The following TBC1D19 variants were observed in gnomAD, a reference collection of about 807,000 sequenced individuals.
The protein encoded by TBC1D19 is TBC1 domain family, member 19.
In TBC1D19, 60 loss-of-function variants were observed where a neutral mutation model predicts 89.0. The ratio of observed to expected loss-of-function variants is 0.67; its 90% CI spans 0.55 to 0.84. TBC1D19 has a LOEUF of 0.84. Ranked by LOEUF, TBC1D19 falls within the 40% of genes least tolerant of loss-of-function variation. TBC1D19 has a pLI of 0.00. For missense variants in TBC1D19, 500 were observed against 610.8 expected (o/e 0.82, Z 1.91); for synonymous variants, 189 against 199.7 (o/e 0.95, Z 0.45).
the TBC1D19 span, among the ~76,000 whole-genome samples, chr4:26,797,422 T>A: frequency 6.6e-6 from 1 of 152,220 alleles, no homozygotes; most frequent in Non-Finnish European, 1.5e-5. Flanking sequence ...AAACATCCCA[T>A]GCTCATGGAT....
the TBC1D19 span, among the ~76,000 whole-genome samples, chr4:26,833,159 A>G: frequency 6.6e-6 from 1 of 152,164 alleles, no homozygotes; most frequent in African/African-American, 2.4e-5. Context: ...GCGAAGAAAG[A>G]CTTTACATTG....
Position 26,755,024 on chromosome 4 carries a change from A to T in TBC1D19, c.*77A>T. 3.0e-6 allele frequency: 4 copies of T among 1,325,846 alleles called. No individual in the cohort carries two copies. The Middle Eastern group carries it at 5.7e-4, about 188-fold the overall frequency. The allele number at this position is 1,325,846 out of a possible 1,614,324, so 82.1% of individuals were successfully genotyped here. On this transcript the variant is annotated 3_prime_UTR_variant, in exon 21 of 21. Coordinates refer to ENST00000264866, the MANE Select transcript of TBC1D19 (RefSeq NM_018317.4). Reference sequence around the variant, plus strand: ...ATGAACTATGCAAACTCTGCATAAAACCAAAATGAAACTTTGCATATAAGC... The same window carrying T: ...ATGAACTATGCAAACTCTGCATAAATCCAAAATGAAACTTTGCATATAAGC...
At chr4:26,715,938 C>T (rs1260927339) in intron 13 of TBC1D19, among the ~76,000 whole-genome samples, 1 of 152,032 alleles carries the variant, frequency 6.6e-6, no homozygotes, top group African/African-American at 2.4e-5. Context: ...AATGCTTTTG[C>T]ACATATATCC....
intron 16 of TBC1D19, among the ~76,000 whole-genome samples, chr4:26,736,833 A>G (rs1718079481): frequency 6.6e-6 from 1 of 152,226 alleles, no homozygotes; most frequent in South Asian, 2.1e-4. Flanking sequence ...ATGCATATGC[A>G]GGCTTGAGAG....
chr4:26,832,603 G>A, the TBC1D19 span, among the ~76,000 whole-genome samples: 1 of 152,152 alleles, frequency 6.6e-6, no homozygotes. Context: ...ATAACATCTA[G>A]TGAGGTTTTA....
chr4:26,847,222 G>C, the TBC1D19 span, among the ~76,000 whole-genome samples: 1 of 152,206 alleles, frequency 6.6e-6, no homozygotes, highest in Non-Finnish European at 1.5e-5. Context: ...TCTCATGGGA[G>C]AGACGGACAA....
At chr4:26,798,404 A>T in the TBC1D19 span, among the ~76,000 whole-genome samples, 2 of 152,128 alleles carry the variant, frequency 1.3e-5, no homozygotes, top group African/African-American at 4.8e-5. Flanking sequence ...AAAGCAACAG[A>T]TGTTGGTATG....
At chr4:26,740,021 A>C (rs772580421) in intron 17 of TBC1D19, 48 bp downstream of exon 17, 1 of 1,256,414 alleles carries the variant, frequency 8.0e-7, no homozygotes, top group Admixed American at 2.5e-5. Flanking sequence ...ATTGTAATCT[A>C]TTCTTTCTTT....
the TBC1D19 span, among the ~76,000 whole-genome samples, chr4:26,855,708 T>C: frequency 6.6e-6 from 1 of 152,240 alleles, no homozygotes; most frequent in Non-Finnish European, 1.5e-5. Context: ...TATGTTTCTG[T>C]GGCATCTTTT....
At chr4:26,850,777 C>T in the TBC1D19 span, among the ~76,000 whole-genome samples, 1 of 152,074 alleles carries the variant, frequency 6.6e-6, no homozygotes, top group Non-Finnish European at 1.5e-5. Flanking sequence ...GCCGCCCAGT[C>T]TGTGGTACTT....
At chr4:26,792,761 A>G in the TBC1D19 span, among the ~76,000 whole-genome samples, 3 of 152,164 alleles carry the variant, frequency 2.0e-5, no homozygotes, top group South Asian at 2.1e-4. Flanking sequence ...TATTTGTCCT[A>G]TTTCCCTGCA....
intron 16 of TBC1D19, 48 bp from the exon 17 acceptor site, chr4:26,739,816 A>T (rs1718247470): frequency 9.5e-7 from 1 of 1,053,620 alleles, no homozygotes; most frequent in East Asian, 2.7e-5. Context: ...AATTTATCTT[A>T]ACATTTCAGT....
At chr4:26,792,689 T>C in the TBC1D19 span, among the ~76,000 whole-genome samples, 2 of 152,224 alleles carry the variant, frequency 1.3e-5, no homozygotes, top group African/African-American at 4.8e-5. Context: ...TGTTTTAATT[T>C]ATAAGTACTC....
Position 26,587,435 on chromosome 4 carries a change from A to G in TBC1D19, c.99+3143A>G, listed in dbSNP as rs371149859. On this transcript the variant is annotated intron_variant, in intron 1 of 20. Coordinates refer to ENST00000264866, the MANE Select transcript of TBC1D19 (RefSeq NM_018317.4). ...TCCACAAAAAATACAAAAATTAGCC[A>G]GTGTGGCAGTGCGCACCTGTAGTCC... Among the ~76,000 whole-genome samples, 47 of 152,090 alleles carry G rather than the reference A, an allele frequency of 3.1e-4. No individual in the cohort carries two copies. In the East Asian group the frequency reaches 8.1e-3, roughly 26 times the overall value.
At chr4:26,590,348 A>T (rs1462435337) in intron 1 of TBC1D19, among the ~76,000 whole-genome samples, 1 of 152,190 alleles carries the variant, frequency 6.6e-6, no homozygotes, top group Non-Finnish European at 1.5e-5. Flanking sequence ...CAGAACTCCA[A>T]GAATTAGGGT....
intron 8 of TBC1D19, among the ~76,000 whole-genome samples, chr4:26,662,682 G>GA (rs1745289004): frequency 6.6e-6 from 1 of 152,144 alleles, no homozygotes; most frequent in South Asian, 2.1e-4. Flanking sequence ...ACAGTGTCAG[G>GA]AATCAGTGTG....
At chr4:26,823,483 C>G in the TBC1D19 span, among the ~76,000 whole-genome samples, 1 of 152,196 alleles carries the variant, frequency 6.6e-6, no homozygotes, top group Non-Finnish European at 1.5e-5. Context: ...AAGAGATTCT[C>G]TGTTCCCAGA....
chr4:26,608,570 C>A (rs938578390), intron 1 of TBC1D19, among the ~76,000 whole-genome samples: 1 of 152,050 alleles, frequency 6.6e-6, no homozygotes, highest in Non-Finnish European at 1.5e-5. Context: ...CAAAGTATAT[C>A]TAGGAGGTAT....
At chr4:26,632,916 C>T (rs751054463) in intron 4 of TBC1D19, among the ~76,000 whole-genome samples, 3 of 152,090 alleles carry the variant, frequency 2.0e-5, no homozygotes, top group Admixed American at 6.6e-5. Flanking sequence ...GCAGTCATCT[C>T]CATCAAGTTG....
Sources: gnomAD v4.1 joint callset for allele counts (sites outside exome capture counted in the v4.1 genomes callset) on GRCh38, gnomAD v4.1.1 for gene constraint, MANE v1.5 for transcripts, NCBI Gene and HGNC (gene_info 2026-07-23, HGNC 2026-07-21) for gene names.